Variants in TAOK3 observed in about 807,000 individuals in gnomAD.
TAOK3 encodes serine/threonine-protein kinase TAO3.
TAOK3 carries 40 observed loss-of-function variants against 120.4 expected under a neutral mutation model. That is an observed-to-expected ratio of 0.33 (90% confidence interval 0.26 to 0.43). The LOEUF is 0.43. Among genes scored for constraint, TAOK3 ranks in the 20% least tolerant of loss-of-function variants. TAOK3 has a pLI of 1.00. For synonymous variants in TAOK3, 355 were observed against 387.5 expected, an observed-to-expected ratio of 0.92 and a Z score of 0.99; for missense variants, 821 against 1,112.1, an observed-to-expected ratio of 0.74 and a Z score of 3.72.
intron 1 of TAOK3, among the ~76,000 whole-genome samples, chr12:118,306,046 A>T (rs775317066): frequency 1.1e-4 from 17 of 152,208 alleles, no homozygotes; most frequent in Non-Finnish European, 1.5e-5. Context: ...TTCATAAAAT[A>T]ATAAAGAATG....
intron 6 of TAOK3, among the ~76,000 whole-genome samples, chr12:118,238,750 T>G (rs1017758430): frequency 6.6e-6 from 1 of 151,980 alleles, no homozygotes; most frequent in Non-Finnish European, 1.5e-5. Flanking sequence ...TCCTCCTGTC[T>G]CAGACTCCTA....
intron 17 of TAOK3, among the ~76,000 whole-genome samples, chr12:118,168,238 T>C (rs1365520038): frequency 6.6e-6 from 1 of 152,200 alleles, no homozygotes; most frequent in East Asian, 1.9e-4. Flanking sequence ...AGACGAATAA[T>C]TACTGGAGCT....
intron 17 of TAOK3, among the ~76,000 whole-genome samples, chr12:118,166,466 A>G (rs1230075215): frequency 6.6e-6 from 1 of 151,162 alleles, no homozygotes; most frequent in Admixed American, 6.6e-5. Context: ...TGAACTCGGG[A>G]GGCGGAGGTT....
intron 1 of TAOK3, among the ~76,000 whole-genome samples, chr12:118,288,444 T>C (rs1297941191): frequency 2.0e-5 from 3 of 152,038 alleles, no homozygotes; most frequent in East Asian, 3.9e-4. Flanking sequence ...GGGCTCACAG[T>C]GGGAAGGTTA....
chr12:118,321,148 A>G (rs373884444), intron 1 of TAOK3, among the ~76,000 whole-genome samples: 75 of 152,302 alleles, frequency 4.9e-4, no homozygotes, highest in African/African-American at 1.8e-3. Context: ...TATGGTTTGT[A>G]ACTTTTATAT....
chr12:118,238,747 G>T (rs768709931), intron 6 of TAOK3, among the ~76,000 whole-genome samples: 2 of 151,282 alleles, frequency 1.3e-5, no homozygotes, highest in African/African-American at 4.9e-5. Context: ...TGATCCTCCT[G>T]TCTCAGACTC....
intron 17 of TAOK3, among the ~76,000 whole-genome samples, chr12:118,168,465 G>A (rs1369873029): frequency 2.6e-5 from 4 of 152,104 alleles, no homozygotes; most frequent in East Asian, 1.9e-4. Flanking sequence ...GTTGTATACC[G>A]TAAATACATA....
At chr12:118,238,233 T>C (rs1024720462) in intron 6 of TAOK3, 64 bp from the exon 7 acceptor site, 50 of 980,346 alleles carry the variant, frequency 5.1e-5, no homozygotes, top group Non-Finnish European at 7.7e-5. Flanking sequence ...TATTATTTTA[T>C]ACAGCTATAC....
intron 1 of TAOK3, among the ~76,000 whole-genome samples, chr12:118,358,649 C>T (rs1382557785): frequency 6.6e-6 from 1 of 152,016 alleles, no homozygotes. Flanking sequence ...TCAGCATTTA[C>T]CTTAGTTATT....
rs931586140 is a variant in TAOK3 at position 118,233,849 on chromosome 12, T to C, written c.552-84A>G. On this transcript the variant is annotated intron_variant, in intron 8 of 20. Transcript: ENST00000392533. Reference sequence around the variant, plus strand: ...AAGTGATTCAATGAAATAGCTGTTCTTAAGGGTATTCTGAAATTTTATCTG... The same window carrying C: ...AAGTGATTCAATGAAATAGCTGTTCCTAAGGGTATTCTGAAATTTTATCTG... 1.5e-5 allele frequency: 13 copies of C among 842,010 alleles called. No individual in the cohort carries two copies. In the African/African-American group the frequency reaches 2.1e-4, roughly 14 times the overall value. The allele number at this position is 842,010 out of a possible 1,614,324, so 52.2% of individuals were successfully genotyped here.
chr12:118,316,542 A>G (rs1186953804), intron 1 of TAOK3, among the ~76,000 whole-genome samples: 1 of 151,726 alleles, frequency 6.6e-6, no homozygotes, highest in Non-Finnish European at 1.5e-5. Context: ...CTGGGAACAC[A>G]GTCGTGTACC....
chr12:118,258,524 C>G (rs887063442), intron 2 of TAOK3, among the ~76,000 whole-genome samples: 3 of 151,978 alleles, frequency 2.0e-5, no homozygotes, highest in Non-Finnish European at 4.4e-5. Flanking sequence ...CCATTCTGGC[C>G]AACATGGTAA....
In TAOK3 at chr12:118,224,421, A is replaced by G. The variant is rs1290248392; in HGVS notation, c.643+9253T>C. 3.3e-5 allele frequency among the ~76,000 whole-genome samples: 5 copies of G among 152,224 alleles called. No homozygotes were observed. The East Asian group carries it at 9.6e-4, about 29-fold the overall frequency. ...AGAAAATTCCAGGCAGAGAATCTAT[A>G]ACATTTATGTTTGTGTTTTGTTCTT... On this transcript the variant is annotated intron_variant, in intron 9 of 20. Coordinates refer to ENST00000392533, the MANE Select transcript of TAOK3 (RefSeq NM_016281.4).
intron 1 of TAOK3, among the ~76,000 whole-genome samples, chr12:118,277,415 C>A (rs933047109): frequency 2.0e-5 from 3 of 151,964 alleles, no homozygotes; most frequent in African/African-American, 7.3e-5. Context: ...ATCCCAGCAA[C>A]CCATAGGACT....
intron 1 of TAOK3, among the ~76,000 whole-genome samples, chr12:118,300,536 C>T (rs1322484640): frequency 6.6e-6 from 1 of 152,080 alleles, no homozygotes; most frequent in Non-Finnish European, 1.5e-5. Flanking sequence ...AAAATGAACT[C>T]AGGGCAAGTT....
At chr12:118,229,832 G>C (rs1294646602) in intron 9 of TAOK3, among the ~76,000 whole-genome samples, 1 of 152,098 alleles carries the variant, frequency 6.6e-6, no homozygotes, top group Non-Finnish European at 1.5e-5. Flanking sequence ...TAGGGAGCCT[G>C]AGGCAGGAGA....
intron 12 of TAOK3, 56 bp downstream of exon 12, chr12:118,201,240 A>G: frequency 6.6e-7 from 1 of 1,523,762 alleles, no homozygotes; most frequent in Non-Finnish European, 8.9e-7. Context: ...CCCAGTCTAG[A>G]ACTTTTTCAC....
chr12:118,152,210 T>C lies in TAOK3; in HGVS notation c.2535+17A>G. 3 of 1,603,802 alleles carry C rather than the reference T, an allele frequency of 1.9e-6. No homozygotes were observed. In the South Asian group the frequency reaches 3.3e-5, roughly 18 times the overall value. ...CTTCCACCCAGTGGCACCGGACCCCTGGTAATGCTCCCTTACCTTCTGCTC... is the reference window on the plus strand; with the variant it reads ...CTTCCACCCAGTGGCACCGGACCCCCGGTAATGCTCCCTTACCTTCTGCTC... On this transcript the variant is annotated intron_variant, in intron 20 of 20. Transcript: ENST00000392533.
At chr12:118,244,260 A>T (rs976225092) in intron 4 of TAOK3, among the ~76,000 whole-genome samples, 2 of 151,150 alleles carry the variant, frequency 1.3e-5, no homozygotes, top group African/African-American at 4.9e-5. Context: ...GTGGGGTCTC[A>T]CCATATTGCC....
Sources: allele counts gnomAD v4.1 joint callset (sites outside exome capture counted in the v4.1 genomes callset), GRCh38; gene constraint gnomAD v4.1.1; transcripts MANE v1.5; gene names NCBI Gene and HGNC (gene_info 2026-07-23, HGNC 2026-07-21).